SAMD7: variants seen among roughly 807,000 people sequenced by gnomAD.
SAMD7 encodes the protein sterile alpha motif domain-containing protein 7.
In SAMD7, 34 loss-of-function variants were observed where a neutral mutation model predicts 36.7. The ratio of observed to expected loss-of-function variants is 0.93; its 90% CI spans 0.71 to 1.23. The LOEUF (loss-of-function observed/expected upper bound fraction) is 1.23, where lower values mean the gene tolerates loss of function less well. Ranked by LOEUF, SAMD7 falls within the 50% of genes most tolerant of loss-of-function variation. The pLI, the probability that SAMD7 is intolerant of heterozygous loss-of-function variation, is 0.00. For missense variants in SAMD7, 570 were observed against 546.6 expected (o/e 1.04, Z -0.43); for synonymous variants, 188 against 189.7 (o/e 0.99, Z 0.07).
At position 169,926,948 on chromosome 3, in the gene SAMD7, T is replaced by C; in HGVS notation, c.686T>C (p.Ile229Thr). The C allele has an allele frequency of 6.2e-7, 1 of 1,613,854 alleles. No homozygotes were observed. Among genetic ancestry groups the C allele is most frequent in the Non-Finnish European group, 8.5e-7 (1 of 1,179,964 alleles). Residue 229 changes from isoleucine (I) to threonine (T), a missense_variant, in exon 6 of 9, where the codon ATT becomes ACT. Ile to Thr is a moderately conservative substitution (Grantham distance 89). Transcript: ENST00000335556. Reference protein sequence around the residue: ...EEDHYAKDPDIEAPSNQKSSE... With the variant: ...EEDHYAKDPDTEAPSNQKSSE... ...GATCATTATGCAAAAGACCCAGACA[T>C]TGAAGCACCCAGCAACCAGAAGTCA...
At chr3:169,927,354 G>A (rs1397388115) in intron 6 of SAMD7, among the ~76,000 whole-genome samples, 173 bp downstream of exon 6, 3 of 143,692 alleles carry the variant, frequency 2.1e-5, no homozygotes, top group African/African-American at 7.8e-5. Context: ...GAGTGCAGTG[G>A]CGCGATCTCG....
intron 5 of SAMD7, among the ~76,000 whole-genome samples, chr3:169,925,723 C>T (rs900607376): frequency 6.6e-6 from 1 of 152,158 alleles, no homozygotes; most frequent in South Asian, 2.1e-4. Flanking sequence ...GAGACTCTGT[C>T]TTGAACAAAT....
Position 169,936,360 on chromosome 3 carries a change from G to C in SAMD7, c.1063G>C (p.Asp355His). 6.2e-7 allele frequency: 1 copy of C among 1,609,248 alleles called. No individual in the cohort carries two copies. Among genetic ancestry groups the C allele is most frequent in the Non-Finnish European group, 8.5e-7 (1 of 1,175,714 alleles). ...GAAGGTATTTAAAGATCATGCAATT[G>C]ATGGAGAAACTTTGCCATTACTCAC... ...YAQVFKDHAI[D>H]GETLPLLTEE... The change falls in exon 8 of 9, where the codon GAT (aspartate) becomes CAT (histidine). Residue 355 changes from aspartate to histidine, a missense_variant. Physicochemically the swap from Asp to His is moderately conservative, Grantham distance 81. Coordinates refer to ENST00000335556, the MANE Select transcript of SAMD7 (RefSeq NM_001304366.2).
chr3:169,936,362 T>G lies in SAMD7; in HGVS notation c.1065T>G (p.Asp355Glu). The G allele has an allele frequency of 6.2e-7, 1 of 1,609,858 alleles. No individual in the cohort carries two copies. Among genetic ancestry groups the G allele is most frequent in the Non-Finnish European group, 8.5e-7 (1 of 1,176,232 alleles). The change falls in exon 8 of 9, where the codon GAT becomes GAG. Residue 355 changes from aspartate (D) to glutamate (E), a missense_variant. Asp to Glu is a conservative substitution (Grantham distance 45). Coordinates refer to ENST00000335556, the MANE Select transcript of SAMD7 (RefSeq NM_001304366.2). Reference sequence around the variant, plus strand: ...AGGTATTTAAAGATCATGCAATTGATGGAGAAACTTTGCCATTACTCACAG... The same window carrying G: ...AGGTATTTAAAGATCATGCAATTGAGGGAGAAACTTTGCCATTACTCACAG... ...YAQVFKDHAI[D>E]GETLPLLTEE...
Position 169,925,133 on chromosome 3 carries a change from C to A in SAMD7, c.287C>A (p.Ala96Asp), listed in dbSNP as rs748483832. ...RNEMIQRHHT[A>D]RTEMEMYAIY... is the part of the protein sequence containing the mutation. ...GAAATGATTCAACGGCATCATACTG[C>A]CAGGTAATTTGGCAATGTTGTTTTA... The change falls in exon 5 of 9, where the codon GCC becomes GAC. Residue 96 changes from alanine (A) to aspartate (D), a missense_variant. Physicochemically the swap from Ala to Asp is moderately radical, Grantham distance 126 (BLOSUM62 -2). Coordinates refer to ENST00000335556, the MANE Select transcript of SAMD7 (RefSeq NM_001304366.2). The A allele has an allele frequency of 1.8e-5, 28 of 1,599,772 alleles. No individual in the cohort carries two copies. Among genetic ancestry groups the A allele is most frequent in the East Asian group, 2.2e-5 (1 of 44,606 alleles).
At chr3:169,930,757 A>C (rs1347365775) in intron 7 of SAMD7, among the ~76,000 whole-genome samples, 1 of 151,314 alleles carries the variant, frequency 6.6e-6, no homozygotes, top group Non-Finnish European at 1.5e-5. Context: ...AATTTTTTGT[A>C]TTTTTAGTAA....
intron 8 of SAMD7, 66 bp downstream of exon 8, chr3:169,936,515 T>G (rs779867544): frequency 2.3e-6 from 2 of 868,894 alleles, no homozygotes; most frequent in Non-Finnish European, 3.8e-6. Flanking sequence ...TATGTTACTT[T>G]TATCTTGTTG....
At position 169,938,487 on chromosome 3, in the gene SAMD7, G is replaced by T. The variant is rs373905806; in HGVS notation, c.1322G>T (p.Arg441Leu). 3 of 1,608,716 alleles carry T rather than the reference G, an allele frequency of 1.9e-6. No homozygotes were observed. The highest frequency in any genetic ancestry group is 2.5e-6 in the Non-Finnish European group (3 of 1,177,118). ...QDTIIPKGIE[R>L]GSMRN Reference sequence around the variant, plus strand: ...ACAATAATTCCTAAAGGAATTGAGCGAGGTAGTATGAGAAACTAAAAGCCC... The same window carrying T: ...ACAATAATTCCTAAAGGAATTGAGCTAGGTAGTATGAGAAACTAAAAGCCC... The change falls in exon 9 of 9, where the codon CGA becomes CTA. Residue 441 changes from arginine (R) to leucine (L), a missense_variant. Arg to Leu is a moderately radical substitution (Grantham distance 102). Coordinates refer to ENST00000335556, the MANE Select transcript of SAMD7 (RefSeq NM_001304366.2).
intron 3 of SAMD7, among the ~76,000 whole-genome samples, chr3:169,919,815 A>G (rs1233473603): frequency 1.3e-5 from 2 of 152,226 alleles, no homozygotes; most frequent in Non-Finnish European, 2.9e-5. Flanking sequence ...ATGAGCACAT[A>G]CTATATGACA....
At chr3:169,917,195 C>T (rs551255201) in intron 2 of SAMD7, among the ~76,000 whole-genome samples, 2 of 152,268 alleles carry the variant, frequency 1.3e-5, no homozygotes, top group African/African-American at 4.8e-5. Context: ...GAAAAAGAAG[C>T]TAACAAAGTG....
intron 7 of SAMD7, among the ~76,000 whole-genome samples, chr3:169,929,158 A>G (rs1713391155): frequency 6.6e-6 from 1 of 152,226 alleles, no homozygotes; most frequent in Non-Finnish European, 1.5e-5. Context: ...CAGGGCAGTT[A>G]GAAACAAAAC....
chr3:169,925,112 T>A lies in SAMD7; in HGVS notation c.266T>A (p.Met89Lys). ...AAGGCAGTGGCCAGAAGGAATGAAA[T>A]GATTCAACGGCATCATACTGCCAGG... ...SIKAVARRNE[M>K]IQRHHTARTE... Residue 89 changes from methionine to lysine, a missense_variant, in exon 5 of 9, where the codon ATG becomes AAG. Met to Lys is a moderately conservative substitution (Grantham distance 95). Coordinates refer to ENST00000335556, the MANE Select transcript of SAMD7 (RefSeq NM_001304366.2). The A allele has an allele frequency of 6.2e-7, 1 of 1,611,128 alleles. No homozygotes were observed. The highest frequency in any genetic ancestry group is 1.3e-5 in the African/African-American group (1 of 74,976).
In SAMD7 at chr3:169,927,157, C is replaced by A; in HGVS notation, c.895C>A (p.Pro299Thr). 1.3e-6 allele frequency: 2 copies of A among 1,537,174 alleles called. No homozygotes were observed. Among genetic ancestry groups the A allele is most frequent in the South Asian group, 1.3e-5 (1 of 76,806 alleles). Reference sequence around the variant, plus strand: ...TGATGAAAAGAATGGGGTTTGCCCTCCAGTTCCTCGACCATCTCTGCCAGG... The same window carrying A: ...TGATGAAAAGAATGGGGTTTGCCCTACAGTTCCTCGACCATCTCTGCCAGG... The part of the protein sequence containing the change: ...TCDEKNGVCP[P>T]VPRPSLPGTH... The change falls in exon 6 of 9, where the codon CCA (proline) becomes ACA (threonine). Residue 299 changes from proline (P) to threonine (T), a missense_variant. Coordinates refer to ENST00000335556, the MANE Select transcript of SAMD7 (RefSeq NM_001304366.2).
intron 6 of SAMD7, among the ~76,000 whole-genome samples, 200 bp downstream of exon 6, chr3:169,927,381 G>C (rs1456336668): frequency 2.4e-5 from 3 of 126,290 alleles, no homozygotes; most frequent in African/African-American, 9.0e-5. Context: ...TGCAACCTCC[G>C]CCTGCCGGGT....
At chr3:169,922,654 C>A (rs1713091756) in intron 4 of SAMD7, among the ~76,000 whole-genome samples, 1 of 152,180 alleles carries the variant, frequency 6.6e-6, no homozygotes, top group Non-Finnish European at 1.5e-5. Flanking sequence ...TGTGCGCCAC[C>A]ACACCCGGCT....
Position 169,927,120 on chromosome 3 carries a change from T to C in SAMD7, c.858T>C (p.Ile286=). ...DDGKEEASEQ[I]FATCDEKNGV... is the part of the protein sequence containing the mutation. ...GGAAAGAGGAGGCTTCGGAGCAGAT[T>C]TTTGCAACCTGTGATGAAAAGAATG... is the stretch of plus-strand genomic sequence containing the variant. Residue 286 remains isoleucine (I), a synonymous_variant, in exon 6 of 9, where the codon ATT becomes ATC. Coordinates refer to ENST00000335556, the MANE Select transcript of SAMD7 (RefSeq NM_001304366.2). The C allele has an allele frequency of 6.3e-7, 1 of 1,576,036 alleles. No individual in the cohort carries two copies.
At chr3:169,923,515 G>A (rs1404752340) in intron 4 of SAMD7, among the ~76,000 whole-genome samples, 4 of 152,092 alleles carry the variant, frequency 2.6e-5, no homozygotes, top group Admixed American at 6.6e-5. Context: ...AGGCAAAGGC[G>A]GGCAGATCAC....
At chr3:169,916,438 G>T (rs1023112842) in intron 2 of SAMD7, among the ~76,000 whole-genome samples, 4 of 152,200 alleles carry the variant, frequency 2.6e-5, no homozygotes, top group African/African-American at 9.7e-5. Context: ...TTGAGGTCAG[G>T]AGTTTGAGAC....
rs367933791 is a variant in SAMD7 at position 169,921,293 on chromosome 3, C to T, written c.166C>T (p.Pro56Ser). 2 of 1,613,990 alleles carry T rather than the reference C, an allele frequency of 1.2e-6. No individual in the cohort carries two copies. The highest frequency in any genetic ancestry group is 1.6e-4 in the Middle Eastern group (1 of 6,084). Residue 56 changes from proline to serine, a missense_variant, in exon 4 of 9, where the codon CCA becomes TCA. By Grantham distance (74) the Pro-to-Ser change is moderately conservative. Coordinates refer to ENST00000335556, the MANE Select transcript of SAMD7 (RefSeq NM_001304366.2). ...TTCCCAATTTGGATCCTCTGTTCTA[C>T]CAAACACAAATATGGCAAATGTGTT... Reference protein sequence around the residue: ...VPSQFGSSVLPNTNMANVLSS... With the variant: ...VPSQFGSSVLSNTNMANVLSS...
Sources: allele counts gnomAD v4.1 joint callset (sites outside exome capture counted in the v4.1 genomes callset), GRCh38; gene constraint gnomAD v4.1.1; transcripts MANE v1.5; gene names NCBI Gene and HGNC (gene_info 2026-07-23, HGNC 2026-07-21).